ARHGAP15: variants seen among roughly 807,000 people sequenced by gnomAD.
ARHGAP15 encodes Rho GTPase activating protein 15.
Under a neutral mutation model 63.7 loss-of-function variants are expected in ARHGAP15, and 51 were observed. The ratio of observed to expected loss-of-function variants is 0.80; its 90% CI spans 0.64 to 1.01. The LOEUF is 1.01. ARHGAP15 is among the 50% of genes least tolerant of loss of function. The pLI, the probability that ARHGAP15 is intolerant of heterozygous loss-of-function variation, is 0.00. For missense variants in ARHGAP15, 560 were observed against 564.6 expected (o/e 0.99, Z 0.08); for synonymous variants, 191 against 193.8 (o/e 0.99, Z 0.12).
At chr2:143,589,322 G>T (rs1414753296) in intron 11 of ARHGAP15, among the ~76,000 whole-genome samples, 3 of 152,140 alleles carry the variant, frequency 2.0e-5, no homozygotes, top group African/African-American at 7.2e-5. Context: ...CTTTCCAAAG[G>T]TGACAAGTTT....
chr2:143,230,413 C>T (rs1442693190), intron 5 of ARHGAP15, among the ~76,000 whole-genome samples: 1 of 152,128 alleles, frequency 6.6e-6, no homozygotes, highest in Non-Finnish European at 1.5e-5. Context: ...TGCAAGTTAG[C>T]TCACTAATTG....
At chr2:143,361,293 A>G (rs11890035) in intron 6 of ARHGAP15, among the ~76,000 whole-genome samples, 29,821 of 152,146 alleles carry the variant, frequency 0.2, 3,273 homozygotes, top group Non-Finnish European at 0.24. Context: ...TTAGCCACCC[A>G]AGAGGCACGT....
intron 6 of ARHGAP15, among the ~76,000 whole-genome samples, chr2:143,286,824 A>C (rs1682127952): frequency 6.6e-6 from 1 of 152,208 alleles, no homozygotes. Flanking sequence ...GGAATTACAC[A>C]AACATAGATG....
chr2:143,445,159 T>C (rs1195881029), intron 8 of ARHGAP15, among the ~76,000 whole-genome samples: 1 of 123,778 alleles, frequency 8.1e-6, no homozygotes, highest in African/African-American at 3.1e-5. Flanking sequence ...AATTATTTTT[T>C]TTTTTTTTTT....
At chr2:143,324,103 C>A (rs1684149388) in intron 6 of ARHGAP15, among the ~76,000 whole-genome samples, 2 of 152,010 alleles carry the variant, frequency 1.3e-5, no homozygotes, top group Admixed American at 6.6e-5. Flanking sequence ...CTACTACTTA[C>A]TAGTTTTAGT....
At chr2:143,399,063 A>G (rs1687889683) in intron 6 of ARHGAP15, among the ~76,000 whole-genome samples, 1 of 152,056 alleles carries the variant, frequency 6.6e-6, no homozygotes, top group South Asian at 2.1e-4. Flanking sequence ...ACTGAAAGAA[A>G]TTGTAGAATA....
At chr2:143,328,296 T>C (rs1264253758) in intron 6 of ARHGAP15, among the ~76,000 whole-genome samples, 1 of 152,180 alleles carries the variant, frequency 6.6e-6, no homozygotes, top group Non-Finnish European at 1.5e-5. Flanking sequence ...CACATGTATG[T>C]TTATCGCAGC....
Position 143,556,496 on chromosome 2 carries a change from T to G in ARHGAP15, c.1003+11T>G, listed in dbSNP as rs761663839. 1.2e-6 allele frequency: 2 copies of G among 1,606,760 alleles called. No homozygotes were observed. Among genetic ancestry groups the G allele is most frequent in the South Asian group, 2.2e-5 (2 of 90,688 alleles). ...TTATTGTCAACCAAGGTAAGTGATT[T>G]CCACTTCAGAGATTTTTTCAAACAG... On this transcript the variant is annotated intron_variant, in intron 11 of 13. Coordinates refer to ENST00000295095, the MANE Select transcript of ARHGAP15 (RefSeq NM_018460.4).
chr2:143,468,365 A>G (rs1163680053), intron 8 of ARHGAP15, among the ~76,000 whole-genome samples: 1 of 151,874 alleles, frequency 6.6e-6, no homozygotes, highest in East Asian at 1.9e-4. Context: ...TCATTTGTGG[A>G]AAAAAAAGCT....
chr2:143,632,303 C>T (rs1680079874), intron 12 of ARHGAP15, among the ~76,000 whole-genome samples: 1 of 151,916 alleles, frequency 6.6e-6, no homozygotes, highest in South Asian at 2.1e-4. Flanking sequence ...TCTGGCTTGA[C>T]TAATAGTAAT....
At chr2:143,291,961 T>C (rs1471112743) in intron 6 of ARHGAP15, among the ~76,000 whole-genome samples, 1 of 152,108 alleles carries the variant, frequency 6.6e-6, no homozygotes, top group Non-Finnish European at 1.5e-5. Flanking sequence ...AGAATAAAAG[T>C]ATTTTAGAAA....
chr2:143,618,668 T>C (rs1400904), intron 11 of ARHGAP15, among the ~76,000 whole-genome samples: 149,835 of 152,312 alleles, frequency 0.98, 73,736 homozygotes, highest in East Asian at 1. Context: ...TTTCTTGACT[T>C]GGTTACTCTT....
intron 2 of ARHGAP15, among the ~76,000 whole-genome samples, chr2:143,165,645 G>A (rs1269402270): frequency 3.3e-5 from 5 of 152,058 alleles, no homozygotes; most frequent in Non-Finnish European, 7.4e-5. Context: ...AATCAGCAGT[G>A]AAAGGTTAAT....
At chr2:143,574,773 T>G (rs1408039727) in intron 11 of ARHGAP15, among the ~76,000 whole-genome samples, 1 of 152,152 alleles carries the variant, frequency 6.6e-6, no homozygotes, top group African/African-American at 2.4e-5. Context: ...TATAGATTTA[T>G]TTTTTTCCTG....
intron 12 of ARHGAP15, among the ~76,000 whole-genome samples, chr2:143,634,198 T>C (rs181486743): frequency 6.6e-5 from 10 of 152,146 alleles, no homozygotes; most frequent in Non-Finnish European, 2.9e-5. Context: ...CCCAAGCACA[T>C]TGAAAGTCTT....
At chr2:143,216,749 G>A (rs1164458403) in intron 4 of ARHGAP15, among the ~76,000 whole-genome samples, 1 of 152,160 alleles carries the variant, frequency 6.6e-6, no homozygotes, top group Non-Finnish European at 1.5e-5. Flanking sequence ...AAAGATTAGA[G>A]AATGAATGCA....
At chr2:143,437,774 C>G (rs1359292608) in intron 8 of ARHGAP15, among the ~76,000 whole-genome samples, 1 of 152,056 alleles carries the variant, frequency 6.6e-6, no homozygotes, top group African/African-American at 2.4e-5. Context: ...GCCTGTAATC[C>G]CAGCACTTTG....
chr2:143,449,370 T>C (rs765629603), intron 8 of ARHGAP15, among the ~76,000 whole-genome samples: 1 of 152,096 alleles, frequency 6.6e-6, no homozygotes, highest in Non-Finnish European at 1.5e-5. Context: ...TATCTTCCAT[T>C]TGACTCTTCT....
intron 12 of ARHGAP15, among the ~76,000 whole-genome samples, chr2:143,646,879 CAAAAA>C (rs1023568866): frequency 2.6e-5 from 4 of 151,756 alleles, no homozygotes; most frequent in East Asian, 1.9e-4. Context: ...TTAATTTTGA[CAAAAA>C]GAAAAGAAAA....
Sources: gnomAD v4.1 joint callset for allele counts (sites outside exome capture counted in the v4.1 genomes callset) on GRCh38, gnomAD v4.1.1 for gene constraint, MANE v1.5 for transcripts, NCBI Gene and HGNC (gene_info 2026-07-23, HGNC 2026-07-21) for gene names.